TAFA4: variants seen among roughly 807,000 people sequenced by gnomAD.
TAFA4 encodes chemokine-like protein TAFA-4.
In TAFA4, 20 loss-of-function variants were observed where a neutral mutation model predicts 21.1. That is an observed-to-expected ratio of 0.95 (90% CI 0.67 to 1.38). The LOEUF is 1.38. Ranked by LOEUF, TAFA4 falls within the 40% of genes most tolerant of loss-of-function variation. TAFA4 has a pLI of 0.00. For missense variants in TAFA4, 211 were observed against 180.9 expected, an observed-to-expected ratio of 1.17 and a Z score of -0.95; for synonymous variants, 71 against 67.4, an observed-to-expected ratio of 1.05 and a Z score of -0.26.
At chr3:68,870,973 C>A (rs1227517238) in intron 3 of TAFA4, among the ~76,000 whole-genome samples, 1 of 152,094 alleles carries the variant, frequency 6.6e-6, no homozygotes, top group East Asian at 1.9e-4. Context: ...TTTTCTTTAT[C>A]CAGTCTATCA....
At chr3:68,780,817 A>G (rs533805933) in intron 3 of TAFA4, among the ~76,000 whole-genome samples, 3 of 152,198 alleles carry the variant, frequency 2.0e-5, no homozygotes, top group South Asian at 2.1e-4. Flanking sequence ...GTATTTATGG[A>G]AAAAGTATGC....
rs959083820 is a variant in TAFA4 at position 68,732,037 on chromosome 3, A to G, written c.*1105T>C. 1.2e-4 allele frequency: 18 copies of G among 152,584 alleles called. No homozygotes were observed. Among genetic ancestry groups the G allele is most frequent in the African/African-American group, 4.3e-4 (18 of 41,472 alleles). 9.5% of individuals were successfully genotyped at this position (152,584 alleles called of 1,614,324 possible). On this transcript the variant is annotated 3_prime_UTR_variant, in exon 6 of 6. Transcript: ENST00000295569. ...TTACAGTAGTATGTACTTTAACAAC[A>G]TTATACATCTAAAATCTGGGTCAGT...
intron 1 of TAFA4, among the ~76,000 whole-genome samples, chr3:68,918,784 G>T (rs1026991648): frequency 6.6e-6 from 1 of 152,244 alleles, no homozygotes; most frequent in East Asian, 1.9e-4. Context: ...CAAGAAATCT[G>T]CCCACTTTGG....
intron 3 of TAFA4, among the ~76,000 whole-genome samples, chr3:68,767,893 T>C (rs1702886050): frequency 6.6e-6 from 1 of 152,056 alleles, no homozygotes; most frequent in South Asian, 2.1e-4. Flanking sequence ...TAAAAATCTA[T>C]AAATTTTCTA....
At chr3:68,877,916 G>C (rs1220860650) in intron 3 of TAFA4, among the ~76,000 whole-genome samples, 1 of 151,952 alleles carries the variant, frequency 6.6e-6, no homozygotes, top group African/African-American at 2.4e-5. Flanking sequence ...TTCCTTATTA[G>C]TTATCCCAAT....
chr3:68,792,494 A>G (rs1221993744), intron 3 of TAFA4, among the ~76,000 whole-genome samples: 2 of 152,176 alleles, frequency 1.3e-5, no homozygotes, highest in Admixed American at 6.5e-5. Context: ...ACAGTTTGCA[A>G]ACCTCCACAG....
Position 68,818,131 on chromosome 3 carries a change from C to A in TAFA4, c.130+62599G>T, listed in dbSNP as rs1171460526. Among the ~76,000 whole-genome samples, 3 of 152,212 alleles carry A rather than the reference C, an allele frequency of 2.0e-5. No individual in the cohort carries two copies. In the East Asian group the frequency reaches 5.8e-4, roughly 29 times the overall value. On this transcript the variant is annotated intron_variant, in intron 3 of 5. Coordinates refer to ENST00000295569, the MANE Select transcript of TAFA4 (RefSeq NM_182522.5). Reference sequence around the variant, plus strand: ...GCTAGATCTTCTGGATAACTTCCTGCAGCTTCTATATCAGCACTTGGCTAC... The same window carrying A: ...GCTAGATCTTCTGGATAACTTCCTGAAGCTTCTATATCAGCACTTGGCTAC...
chr3:68,787,597 A>G (rs1352818125), intron 3 of TAFA4, among the ~76,000 whole-genome samples: 2 of 152,192 alleles, frequency 1.3e-5, no homozygotes, highest in African/African-American at 2.4e-5. Flanking sequence ...TGAGCCACTT[A>G]CACATCAGAG....
chr3:68,733,054 T>A lies in TAFA4; in HGVS notation c.*88A>T. 2 of 1,575,648 alleles carry A rather than the reference T, an allele frequency of 1.3e-6. No homozygotes were observed. Among genetic ancestry groups the A allele is most frequent in the Non-Finnish European group, 8.7e-7 (1 of 1,154,072 alleles). On this transcript the variant is annotated 3_prime_UTR_variant, in exon 6 of 6. Transcript: ENST00000295569. ...TGAAGTTGCTGAAATCCTAGACAAT[T>A]TTCTGCAAAGGGGCCATGATGGGAA...
intron 3 of TAFA4, among the ~76,000 whole-genome samples, chr3:68,869,251 T>C (rs757696063): frequency 6.6e-6 from 1 of 152,034 alleles, no homozygotes; most frequent in African/African-American, 2.4e-5. Context: ...CAGGACATGA[T>C]GGCTTCACTG....
intron 3 of TAFA4, among the ~76,000 whole-genome samples, chr3:68,779,893 G>A (rs140041212): frequency 5.9e-5 from 9 of 152,286 alleles, no homozygotes; most frequent in East Asian, 3.9e-4. Context: ...AGCTTGCACC[G>A]TGCTGCTGGA....
At chr3:68,874,783 T>C (rs1338190472) in intron 3 of TAFA4, among the ~76,000 whole-genome samples, 3 of 149,536 alleles carry the variant, frequency 2.0e-5, no homozygotes, top group African/African-American at 4.9e-5. Context: ...ACCCTTTCTT[T>C]ACACACACAC....
intron 3 of TAFA4, among the ~76,000 whole-genome samples, chr3:68,867,632 T>C (rs565358329): frequency 3.9e-5 from 6 of 152,138 alleles, no homozygotes; most frequent in African/African-American, 7.2e-5. Flanking sequence ...CAGCAACTTA[T>C]TAGGGATAGG....
At chr3:68,846,539 C>T (rs1431344545) in intron 3 of TAFA4, among the ~76,000 whole-genome samples, 1 of 152,054 alleles carries the variant, frequency 6.6e-6, no homozygotes, top group Non-Finnish European at 1.5e-5. Flanking sequence ...AACTCATTCT[C>T]CATCCAGTTT....
At chr3:68,799,574 T>C (rs1184932051) in intron 3 of TAFA4, among the ~76,000 whole-genome samples, 3 of 152,148 alleles carry the variant, frequency 2.0e-5, no homozygotes, top group Non-Finnish European at 4.4e-5. Context: ...GGGGAAGCTA[T>C]CCCTGGTTAG....
Position 68,732,991 on chromosome 3 carries a change from A to C in TAFA4, c.*151T>G. On this transcript the variant is annotated 3_prime_UTR_variant, in exon 6 of 6. Coordinates refer to ENST00000295569, the MANE Select transcript of TAFA4 (RefSeq NM_182522.5). Reference sequence around the variant, plus strand: ...CGAAGCAGAGAGGGCTGGGCCAGTTAAGTGAATGCCACCTCTCACAGCTCA... The same window carrying C: ...CGAAGCAGAGAGGGCTGGGCCAGTTCAGTGAATGCCACCTCTCACAGCTCA... The C allele has an allele frequency of 1.1e-6, 1 of 930,460 alleles. No homozygotes were observed. The highest frequency in any genetic ancestry group is 1.6e-6 in the Non-Finnish European group (1 of 618,392). 57.6% of individuals were successfully genotyped at this position (930,460 alleles called of 1,614,324 possible).
At chr3:68,869,988 A>G (rs765438545) in intron 3 of TAFA4, among the ~76,000 whole-genome samples, 15 of 152,202 alleles carry the variant, frequency 9.9e-5, no homozygotes, top group Non-Finnish European at 1.9e-4. Context: ...AACACTGAGA[A>G]CTGATAAGTG....
At chr3:68,756,663 A>T (rs1156697950) in intron 3 of TAFA4, among the ~76,000 whole-genome samples, 1 of 152,214 alleles carries the variant, frequency 6.6e-6, no homozygotes, top group Admixed American at 6.5e-5. Flanking sequence ...TTTCATTTGT[A>T]AAATGCACAG....
In TAFA4 at chr3:68,768,628, C is replaced by CA. The variant is rs940215079; in HGVS notation, c.131-15611dup. The stretch of plus-strand genomic sequence containing the variant: ...ATCCAAAAGAAATAAAATCATATGC[C>CA]AAAAAAAATAGCTGCAGTGTTTACT... On this transcript the variant is annotated intron_variant, in intron 3 of 5. Coordinates refer to ENST00000295569, the MANE Select transcript of TAFA4 (RefSeq NM_182522.5). Among the ~76,000 whole-genome samples, 460 of 151,276 alleles carry CA rather than the reference C, an allele frequency of 3.0e-3. 2 individuals are homozygous for CA. The highest frequency in any genetic ancestry group is 9.9e-3 in the African/African-American group (408 of 41,234).
Sources: gnomAD v4.1 joint callset for allele counts (sites outside exome capture counted in the v4.1 genomes callset) on GRCh38, gnomAD v4.1.1 for gene constraint, MANE v1.5 for transcripts, NCBI Gene and HGNC (gene_info 2026-07-23, HGNC 2026-07-21) for gene names.